The following PDE4DIP variants were observed in gnomAD, a reference collection of about 807,000 sequenced individuals.
PDE4DIP encodes phosphodiesterase 4D interacting protein, also known as myomegalin.
PDE4DIP carries 59 observed loss-of-function variants against 221.4 expected under a neutral mutation model. That is an observed-to-expected ratio of 0.27 (90% CI 0.22 to 0.33). The LOEUF (loss-of-function observed/expected upper bound fraction) is 0.33. Among genes scored for constraint, PDE4DIP ranks in the 10% least tolerant of loss-of-function variants. The pLI is 1.00. For synonymous variants in PDE4DIP, 404 were observed against 815.9 expected, an observed-to-expected ratio of 0.50 and a Z score of 8.60; for missense variants, 1,036 against 2,154.2, an observed-to-expected ratio of 0.48 and a Z score of 10.28.
At chr1:148,952,465 G>T in intron 5 of PDE4DIP, 2 of 1,081,872 alleles carry the variant, frequency 1.8e-6, no homozygotes, top group South Asian at 4.1e-5. Flanking sequence ...TTGAGGACGC[G>T]GCGGCTGGCG....
chr1:148,827,821 T>C (rs587636233), intron 1 of PDE4DIP, among the ~76,000 whole-genome samples: 1,106 of 71,910 alleles, frequency 0.015, 18 homozygotes, highest in African/African-American at 0.043. Flanking sequence ...AACTTTACTA[T>C]ATGTTGAAAA....
At chr1:148,953,169 A>G (rs782363338) in intron 5 of PDE4DIP, 2 of 1,614,150 alleles carry the variant, frequency 1.2e-6, no homozygotes, top group Non-Finnish European at 8.5e-7. Context: ...GCACTGCTCC[A>G]GGAGGACTTC....
At chr1:148,956,489 C>T (rs1468794619) in intron 5 of PDE4DIP, among the ~76,000 whole-genome samples, 1 of 152,046 alleles carries the variant, frequency 6.6e-6, no homozygotes, top group Non-Finnish European at 1.5e-5. Context: ...ATTTATTTCC[C>T]TTCTACAGAA....
chr1:148,981,706 T>G (rs1481434325), intron 21 of PDE4DIP: 10 of 334,340 alleles, frequency 3.0e-5, no homozygotes, highest in Non-Finnish European at 4.7e-5. Context: ...CCACTTTTAT[T>G]CATTCTTATC....
At chr1:148,989,524 A>G in intron 21 of PDE4DIP, 1 of 198,214 alleles carries the variant, frequency 5.0e-6, no homozygotes, top group Non-Finnish European at 9.9e-6. Flanking sequence ...AAGACCAGTG[A>G]TAGTCACCCT....
At chr1:148,927,095 CA>C (rs1343267476) in intron 1 of PDE4DIP, among the ~76,000 whole-genome samples, 3 of 149,880 alleles carry the variant, frequency 2.0e-5, no homozygotes, top group Admixed American at 6.7e-5. Context: ...TCTAATGAAA[CA>C]AATTATTTGT....
At chr1:149,028,248 T>A (rs1575654774) in intron 40 of PDE4DIP, among the ~76,000 whole-genome samples, 1 of 149,424 alleles carries the variant, frequency 6.7e-6, no homozygotes, top group South Asian at 2.2e-4. Flanking sequence ...AGGCACAGTA[T>A]GAGAAGTCAT....
At chr1:149,014,073 C>T (rs1214875905) in intron 32 of PDE4DIP, among the ~76,000 whole-genome samples, 3 of 151,432 alleles carry the variant, frequency 2.0e-5, no homozygotes, top group Admixed American at 6.6e-5. Flanking sequence ...CAGGTATGAG[C>T]CACTGCACCC....
intron 43 of PDE4DIP, chr1:149,030,520 T>TAA (rs2076440153): frequency 1.1e-6 from 1 of 935,628 alleles, no homozygotes; most frequent in Admixed American, 6.2e-5. Flanking sequence ...TCATCTCTCC[T>TAA]TTTTACTCCA....
intron 43 of PDE4DIP, chr1:149,030,817 TTAA>T (rs1221117469): frequency 2.0e-6 from 2 of 981,296 alleles, no homozygotes; most frequent in African/African-American, 1.7e-5. Flanking sequence ...AGCGAATTTG[TTAA>T]TAAATAACAA....
intron 20 of PDE4DIP, among the ~76,000 whole-genome samples, chr1:148,980,261 G>A (rs190498991): frequency 1.2e-4 from 19 of 152,174 alleles, no homozygotes; most frequent in East Asian, 9.7e-4. Flanking sequence ...GTGAGGTAGC[G>A]CGCGCCTGTA....
Position 148,827,818 on chromosome 1 carries a change from C to G in PDE4DIP, c.233+19081C>G, listed in dbSNP as rs587711723. Among the ~76,000 whole-genome samples the G allele has an allele frequency of 1.3e-3, 99 of 73,938 alleles. 1 individual carries two copies. The highest frequency in any genetic ancestry group is 1.2e-3 in the Non-Finnish European group (40 of 32,714). The allele number at this position is 73,938 out of a possible 152,430, so 48.5% of individuals were successfully genotyped here. On this transcript the variant is annotated intron_variant, in intron 1 of 45. Coordinates refer to the PDE4DIP transcript ENST00000524974. ...TTATTGTGCTAGTTTTACAACTTTA[C>G]TATATGTTGAAAATTTTAAATTTTT...
chr1:149,022,554 G>C (rs1426277135), intron 37 of PDE4DIP, among the ~76,000 whole-genome samples: 4 of 152,296 alleles, frequency 2.6e-5, no homozygotes, highest in Non-Finnish European at 4.4e-5. Flanking sequence ...TGAAGAAATA[G>C]AGGGGGCTCA....
chr1:149,024,008 C>G (rs1190116392), intron 37 of PDE4DIP, among the ~76,000 whole-genome samples: 1 of 151,436 alleles, frequency 6.6e-6, no homozygotes, highest in East Asian at 2.0e-4. Flanking sequence ...GTGCCCAACT[C>G]ACATTCTCAC....
At position 148,979,441 on chromosome 1, in the gene PDE4DIP, C is replaced by T. The variant is rs587742963; in HGVS notation, c.2575-296C>T. On this transcript the variant is annotated intron_variant, in intron 19 of 43. Coordinates refer to ENST00000369354, the Ensembl canonical transcript of PDE4DIP. ...CTAGTAAGTCCTATTATATACATTT[C>T]CCTCTTGTCCATCCTGTTTCCCTCT... Among the ~76,000 whole-genome samples, 7 of 152,252 alleles carry T rather than the reference C, an allele frequency of 4.6e-5. No homozygotes were observed. The South Asian group carries it at 1.5e-3, about 32-fold the overall frequency.
intron 2 of PDE4DIP, chr1:148,930,576 C>T (rs1399795839): frequency 4.0e-5 from 6 of 148,280 alleles, no homozygotes; most frequent in African/African-American, 1.5e-4. Flanking sequence ...AGAGCCAAAT[C>T]AAGAATGCAA....
rs587649298 is a variant in PDE4DIP, at chr1:148,920,116, T to C, written c.142-9081T>C. Among the ~76,000 whole-genome samples, 15 of 139,626 alleles carry C rather than the reference T, an allele frequency of 1.1e-4. No homozygotes were observed. In the East Asian group the frequency reaches 2.9e-3, roughly 27 times the overall value. 91.6% of individuals were successfully genotyped at this position (139,626 alleles called of 152,430 possible). ...TGCTGTCAAGATTTTTTAAAAACTATTTATTTTTTTTTTGGTTTTTATTTA... is the reference window on the plus strand; with the variant it reads ...TGCTGTCAAGATTTTTTAAAAACTACTTATTTTTTTTTTGGTTTTTATTTA... On this transcript the variant is annotated intron_variant, in intron 1 of 43. Transcript: ENST00000369354.
At chr1:149,010,958 ATG>A (rs1469741948) in intron 31 of PDE4DIP, among the ~76,000 whole-genome samples, 1 of 137,942 alleles carries the variant, frequency 7.2e-6, no homozygotes, top group Admixed American at 7.3e-5. Flanking sequence ...GATCCACTGT[ATG>A]TGTTACCCAT....
chr1:148,961,814 CTG>C (rs587763639), intron 6 of PDE4DIP, 21 bp from the exon 10 acceptor site: 1 of 907,798 alleles, frequency 1.1e-6, no homozygotes, highest in Non-Finnish European at 1.8e-6. Flanking sequence ...ACCTAAAAAA[CTG>C]TTTTTCTTTG....
Sources: gnomAD v4.1 joint callset for allele counts (sites outside exome capture counted in the v4.1 genomes callset) on GRCh38, gnomAD v4.1.1 for gene constraint, MANE v1.5 for transcripts, NCBI Gene and HGNC (gene_info 2026-07-23, HGNC 2026-07-21) for gene names.